SH3RF3: variants seen among roughly 807,000 people sequenced by gnomAD.
SH3RF3 encodes SH3 domain containing ring finger 3.
Under a neutral mutation model 66.3 loss-of-function variants are expected in SH3RF3, and 29 were observed. That is an observed-to-expected ratio of 0.44 (90% confidence interval 0.33 to 0.60). SH3RF3 has a LOEUF of 0.60. Among genes scored for constraint, SH3RF3 ranks in the 20% least tolerant of loss-of-function variants. SH3RF3 has a pLI of 0.04. For synonymous variants in SH3RF3, 583 were observed against 532.0 expected (o/e 1.10, Z -1.32); for missense variants, 1,194 against 1,190.9 (o/e 1.00, Z -0.04).
intron 9 of SH3RF3, among the ~76,000 whole-genome samples, chr2:109,497,181 T>C (rs1036962669): frequency 1.3e-5 from 2 of 152,344 alleles, no homozygotes; most frequent in Admixed American, 1.3e-4. Context: ...ACAACTAATA[T>C]GTGTGTTGAT....
intron 3 of SH3RF3, among the ~76,000 whole-genome samples, chr2:109,394,403 C>T (rs923102904): frequency 2.0e-5 from 3 of 152,150 alleles, no homozygotes; most frequent in Admixed American, 1.3e-4. Flanking sequence ...CCACCCCATC[C>T]GGTTTCATGT....
intron 8 of SH3RF3, among the ~76,000 whole-genome samples, chr2:109,457,212 T>A (rs1386115685): frequency 6.6e-6 from 1 of 152,216 alleles, no homozygotes; most frequent in African/African-American, 2.4e-5. Context: ...TTAGAAATTA[T>A]TATTAAGAAT....
At chr2:109,360,216 A>T (rs1374485058) in intron 2 of SH3RF3, among the ~76,000 whole-genome samples, 1 of 152,218 alleles carries the variant, frequency 6.6e-6, no homozygotes, top group Non-Finnish European at 1.5e-5. Flanking sequence ...GTTACTCTGA[A>T]CATGTAATTT....
chr2:109,424,260 C>A (rs558755688), intron 5 of SH3RF3, among the ~76,000 whole-genome samples: 1 of 152,078 alleles, frequency 6.6e-6, no homozygotes, highest in Non-Finnish European at 1.5e-5. Context: ...TCAGGCTGCC[C>A]TTTGAAGGGG....
intron 2 of SH3RF3, among the ~76,000 whole-genome samples, chr2:109,352,925 G>A (rs1682871134): frequency 6.6e-6 from 1 of 152,262 alleles, no homozygotes; most frequent in Admixed American, 6.5e-5. Flanking sequence ...GGCTGTATCT[G>A]AAGCTTTGCC....
At chr2:109,192,433 T>C (rs1191246481) in intron 1 of SH3RF3, among the ~76,000 whole-genome samples, 1 of 152,246 alleles carries the variant, frequency 6.6e-6, no homozygotes, top group Non-Finnish European at 1.5e-5. Flanking sequence ...TTCCCAATTA[T>C]TAAGAGGAAA....
intron 3 of SH3RF3, among the ~76,000 whole-genome samples, chr2:109,393,463 G>A (rs567867444): frequency 6.6e-5 from 10 of 152,318 alleles, no homozygotes; most frequent in African/African-American, 2.2e-4. Context: ...TCCCCAGGTC[G>A]TTCAGTGCAC....
chr2:109,503,259 A>G lies in SH3RF3; in HGVS notation c.*1588A>G, dbSNP rs1230557568. The G allele has an allele frequency of 1.3e-5, 2 of 152,204 alleles. No individual in the cohort carries two copies. Among genetic ancestry groups the G allele is most frequent in the East Asian group, 3.9e-4 (2 of 5,192 alleles). The allele number at this position is 152,204 out of a possible 1,614,324, so 9.4% of individuals were successfully genotyped here. On this transcript the variant is annotated 3_prime_UTR_variant, in exon 10 of 10. Transcript: ENST00000309415. Reference sequence around the variant, plus strand: ...AGACTTAAATTAAGCTGAAGAAACTAGCCTTTGGTAACATAGGGTGTCATT... The same window carrying G: ...AGACTTAAATTAAGCTGAAGAAACTGGCCTTTGGTAACATAGGGTGTCATT...
chr2:109,202,969 G>C (rs1340098306), intron 1 of SH3RF3, among the ~76,000 whole-genome samples: 7 of 152,232 alleles, frequency 4.6e-5, no homozygotes, highest in Non-Finnish European at 1.0e-4. Context: ...TCTTGTGCCT[G>C]AGGATAACAC....
chr2:109,185,643 C>T (rs1268590586), intron 1 of SH3RF3, among the ~76,000 whole-genome samples: 2 of 152,090 alleles, frequency 1.3e-5, no homozygotes, highest in Admixed American at 6.6e-5. Flanking sequence ...ACAGGACAGC[C>T]CTCAGACACT....
chr2:109,186,325 A>G (rs924943919), intron 1 of SH3RF3, among the ~76,000 whole-genome samples: 2 of 152,206 alleles, frequency 1.3e-5, no homozygotes, highest in African/African-American at 2.4e-5. Flanking sequence ...CATTATCCCC[A>G]TCCTGCAGAT....
At chr2:109,178,594 G>A (rs900423659) in intron 1 of SH3RF3, among the ~76,000 whole-genome samples, 1 of 152,152 alleles carries the variant, frequency 6.6e-6, no homozygotes, top group Non-Finnish European at 1.5e-5. Flanking sequence ...TTATTTTTCA[G>A]AACCAAAAGA....
intron 1 of SH3RF3, among the ~76,000 whole-genome samples, chr2:109,295,795 C>T (rs1681293004): frequency 6.6e-6 from 1 of 152,118 alleles, no homozygotes; most frequent in Admixed American, 6.5e-5. Context: ...TGGACTCTGG[C>T]CGGCTTTACG....
chr2:109,279,225 C>T (rs755215112), intron 1 of SH3RF3, among the ~76,000 whole-genome samples: 2 of 152,156 alleles, frequency 1.3e-5, no homozygotes, highest in Non-Finnish European at 2.9e-5. Flanking sequence ...ATTAGCTTGT[C>T]GAGAGCCCTG....
intron 3 of SH3RF3, among the ~76,000 whole-genome samples, chr2:109,384,779 G>A (rs899608562): frequency 6.6e-6 from 1 of 152,124 alleles, no homozygotes; most frequent in African/African-American, 2.4e-5. Flanking sequence ...CTGGTCATAG[G>A]GAACCCACAG....
intron 5 of SH3RF3, among the ~76,000 whole-genome samples, chr2:109,424,570 T>G (rs1676980649): frequency 6.6e-6 from 1 of 152,252 alleles, no homozygotes; most frequent in African/African-American, 2.4e-5. Context: ...TTCGAGTCTC[T>G]GTGTCACATT....
chr2:109,427,359 T>C (rs1677054596), intron 5 of SH3RF3, among the ~76,000 whole-genome samples: 1 of 152,234 alleles, frequency 6.6e-6, no homozygotes, highest in South Asian at 2.1e-4. Context: ...ATAAATATAA[T>C]TTTTACATAT....
chr2:109,174,265 G>A lies in SH3RF3; in HGVS notation c.573+44152G>A, dbSNP rs939927214. On this transcript the variant is annotated intron_variant, in intron 1 of 9. Coordinates refer to ENST00000309415, the MANE Select transcript of SH3RF3 (RefSeq NM_001099289.3). ...TTTTATCTATGACTGGGAAACACAG[G>A]CAGAGAGAAGGACTAAGTTGCTTTG... Among the ~76,000 whole-genome samples the A allele has an allele frequency of 2.0e-5, 3 of 152,370 alleles. No individual in the cohort carries two copies. In the East Asian group the frequency reaches 5.8e-4, roughly 29 times the overall value.
chr2:109,332,686 C>T (rs1226295173), intron 1 of SH3RF3, among the ~76,000 whole-genome samples: 3 of 152,198 alleles, frequency 2.0e-5, no homozygotes, highest in African/African-American at 7.2e-5. Flanking sequence ...CGATGAGTCA[C>T]CCTTCTGAGT....
Sources: allele counts gnomAD v4.1 joint callset (sites outside exome capture counted in the v4.1 genomes callset), GRCh38; gene constraint gnomAD v4.1.1; transcripts MANE v1.5; gene names NCBI Gene and HGNC (gene_info 2026-07-23, HGNC 2026-07-21).